AJAP1: variants seen among roughly 807,000 people sequenced by gnomAD.
AJAP1 encodes the protein adherens junction-associated protein 1.
Under a neutral mutation model 35.0 loss-of-function variants are expected in AJAP1, and 5 were observed. The ratio of observed to expected loss-of-function variants is 0.14; its 90% confidence interval spans 0.07 to 0.30. The LOEUF is 0.30. Ranked by LOEUF, AJAP1 falls within the 10% of genes least tolerant of loss-of-function variation. The probability of loss-of-function intolerance (pLI) is 1.00; values close to 1 mark genes in which losing one functional copy is unlikely to be tolerated. For synonymous variants in AJAP1, 284 were observed against 249.3 expected, an observed-to-expected ratio of 1.14 and a Z score of -1.31; for missense variants, 586 against 571.0, an observed-to-expected ratio of 1.03 and a Z score of -0.27.
intron 2 of AJAP1, among the ~76,000 whole-genome samples, chr1:4,754,622 C>G (rs1366632182): frequency 2.0e-5 from 3 of 152,188 alleles, no homozygotes; most frequent in Non-Finnish European, 4.4e-5. Flanking sequence ...AGGGAATTCC[C>G]AGCTTCTGAT....
At chr1:4,756,017 A>G (rs1570200911) in intron 2 of AJAP1, among the ~76,000 whole-genome samples, 1 of 152,166 alleles carries the variant, frequency 6.6e-6, no homozygotes, top group African/African-American at 2.4e-5. Context: ...CTCACTTAGC[A>G]GGGTTCTTTG....
chr1:4,738,207 A>G (rs1191797802), intron 2 of AJAP1, among the ~76,000 whole-genome samples: 1 of 152,222 alleles, frequency 6.6e-6, no homozygotes, highest in Non-Finnish European at 1.5e-5. Context: ...ACGGCCATGC[A>G]TGATGAGGCA....
intron 2 of AJAP1, among the ~76,000 whole-genome samples, chr1:4,756,804 A>T (rs191256768): frequency 6.6e-5 from 10 of 152,318 alleles, no homozygotes; most frequent in Non-Finnish European, 1.5e-4. Flanking sequence ...CTTCCTACAA[A>T]GAATTCCCAC....
At position 4,769,923 on chromosome 1, in the gene AJAP1, T is replaced by C. The variant is rs945569303; in HGVS notation, c.900T>C (p.Thr300=). 8 of 1,613,722 alleles carry C rather than the reference T, an allele frequency of 5.0e-6. No homozygotes were observed. In the African/African-American group the frequency reaches 8.0e-5, roughly 16 times the overall value. The part of the protein sequence containing the change: ...LIMVIAALIT[T]LVLKNCCAQS... ...TGGTCATAGCTGCTCTCATCACAACTCTTGTCTTAAAAAATTGGTAAGGCT... is the reference window on the plus strand; with the variant it reads ...TGGTCATAGCTGCTCTCATCACAACCCTTGTCTTAAAAAATTGGTAAGGCT... Residue 300 remains threonine (T), a synonymous_variant, in exon 3 of 6, where the codon ACT becomes ACC. Transcript: ENST00000378191.
At chr1:4,677,120 G>A (rs1172631273) in intron 1 of AJAP1, among the ~76,000 whole-genome samples, 5 of 152,198 alleles carry the variant, frequency 3.3e-5, no homozygotes, top group African/African-American at 7.2e-5. Flanking sequence ...TCGTGCCACC[G>A]CACTTCAGCC....
chr1:4,717,699 C>T (rs888152441), intron 2 of AJAP1, among the ~76,000 whole-genome samples: 1 of 152,172 alleles, frequency 6.6e-6, no homozygotes, highest in African/African-American at 2.4e-5. Context: ...TCTCTGCACC[C>T]CAGCCGTCAG....
chr1:4,673,220 T>G (rs1166023478), intron 1 of AJAP1, among the ~76,000 whole-genome samples: 2 of 152,038 alleles, frequency 1.3e-5, no homozygotes, highest in African/African-American at 2.4e-5. Context: ...TAGGTGGGGT[T>G]GGGGGGGTGT....
chr1:4,769,191 G>A (rs184712424), intron 2 of AJAP1, among the ~76,000 whole-genome samples: 78 of 152,274 alleles, frequency 5.1e-4, no homozygotes, highest in African/African-American at 1.8e-3. Flanking sequence ...TTGGGACTGT[G>A]GGAAGCATCC....
At chr1:4,700,541 C>T (rs980405221) in intron 1 of AJAP1, among the ~76,000 whole-genome samples, 50 of 152,306 alleles carry the variant, frequency 3.3e-4, no homozygotes, top group African/African-American at 1.2e-3. Flanking sequence ...TTGAGCTGAC[C>T]CCCAGGGGAT....
intron 1 of AJAP1, among the ~76,000 whole-genome samples, chr1:4,667,668 G>C (rs1490156845): frequency 1.3e-5 from 2 of 152,194 alleles, no homozygotes; most frequent in African/African-American, 4.8e-5. Context: ...CTCACCTCCT[G>C]CTGTGAGGAC....
At chr1:4,662,289 G>T (rs1014229875) in intron 1 of AJAP1, among the ~76,000 whole-genome samples, 1 of 152,104 alleles carries the variant, frequency 6.6e-6, no homozygotes, top group African/African-American at 2.4e-5. Flanking sequence ...CTCTGATTTG[G>T]CCTTGATGGA....
At chr1:4,778,972 G>A (rs1395083536) in intron 5 of AJAP1, among the ~76,000 whole-genome samples, 1 of 152,234 alleles carries the variant, frequency 6.6e-6, no homozygotes, top group African/African-American at 2.4e-5. Flanking sequence ...ATGGGCAGGA[G>A]ACCCCCGTTC....
intron 1 of AJAP1, among the ~76,000 whole-genome samples, chr1:4,705,767 G>A (rs1180964479): frequency 6.6e-6 from 1 of 152,094 alleles, no homozygotes; most frequent in African/African-American, 2.4e-5. Flanking sequence ...ATCAGCCACA[G>A]AGAAAGCCTG....
chr1:4,695,216 A>G (rs1639830646), intron 1 of AJAP1, among the ~76,000 whole-genome samples: 2 of 152,114 alleles, frequency 1.3e-5, no homozygotes. Flanking sequence ...GGCAGGGCCT[A>G]TGAGCAAGTA....
Position 4,655,270 on chromosome 1 carries a change from C to A in AJAP1, c.-156C>A. ...CGGCATGGAGCCCCGCGCGGCCGCG[C>A]TCTGACTCGCTGTGCGCCCCGCGGC... is the stretch of plus-strand genomic sequence containing the variant. On this transcript the variant is annotated 5_prime_UTR_variant, in exon 1 of 6. Transcript: ENST00000378191. The surrounding 1 kb of genome is among the most constrained non-coding windows in gnomAD (Gnocchi z 6.9). 1 of 383,186 alleles carries A rather than the reference C, an allele frequency of 2.6e-6. No individual in the cohort carries two copies. Among genetic ancestry groups the A allele is most frequent in the Non-Finnish European group, 3.7e-6 (1 of 267,648 alleles). The allele number at this position is 383,186 out of a possible 1,614,324, so 23.7% of individuals were successfully genotyped here. A position where few individuals can be genotyped will look rare whatever the true frequency, so the allele number is the denominator to read the frequency against.
chr1:4,684,300 G>GT (rs1484651702), intron 1 of AJAP1, among the ~76,000 whole-genome samples: 6 of 152,192 alleles, frequency 3.9e-5, no homozygotes, highest in African/African-American at 1.4e-4. Context: ...ACATCTCCAG[G>GT]TTTAAGAGTT....
chr1:4,727,253 G>A (rs1640685158), intron 2 of AJAP1, among the ~76,000 whole-genome samples: 1 of 152,196 alleles, frequency 6.6e-6, no homozygotes, highest in African/African-American at 2.4e-5. Context: ...CACAGCCTCA[G>A]AATAGTGTGG....
At chr1:4,738,403 G>A (rs1640980134) in intron 2 of AJAP1, among the ~76,000 whole-genome samples, 2 of 152,232 alleles carry the variant, frequency 1.3e-5, no homozygotes, top group South Asian at 4.1e-4. Context: ...ATGCGTGAGG[G>A]GCCTCTCTCT....
intron 3 of AJAP1, 124 bp from the exon 4 acceptor site, chr1:4,772,156 G>T (rs903354663): frequency 1.6e-6 from 2 of 1,243,142 alleles, no homozygotes; most frequent in Non-Finnish European, 2.2e-6. Context: ...GGGAATTACC[G>T]TTTAATATGA....
Sources: gnomAD v4.1 joint callset for allele counts (sites outside exome capture counted in the v4.1 genomes callset) on GRCh38, gnomAD v4.1.1 for gene constraint, Gnocchi (gnomAD v3.1) non-coding constraint, MANE v1.5 for transcripts, NCBI Gene and HGNC (gene_info 2026-07-23, HGNC 2026-07-21) for gene names.